Variants in PTPMT1 observed in about 807,000 individuals in gnomAD.
The protein encoded by PTPMT1 is phosphatidylglycerophosphatase and protein-tyrosine phosphatase 1.
Under a neutral mutation model 17.8 loss-of-function variants are expected in PTPMT1, and 12 were observed. The observed-to-expected ratio is 0.67, with a 90% CI of 0.43 to 1.09. The LOEUF (loss-of-function observed/expected upper bound fraction) is 1.09, where lower values mean the gene tolerates loss of function less well. Ranked by LOEUF, PTPMT1 falls within the 50% of genes least tolerant of loss-of-function variation. The pLI is 0.00. For missense variants in PTPMT1, 262 were observed against 266.0 expected (o/e 0.99, Z 0.10); for synonymous variants, 132 against 116.8 (o/e 1.13, Z -0.84).
At position 47,567,266 on chromosome 11, in the gene PTPMT1, C is replaced by T. The variant is rs371796278; in HGVS notation, c.255+1280C>T. ...AAATCACACAAAAAAATTAGCCGGG[C>T]GTGGTGGCAGGCGCCTGTAATCCTA... On this transcript the variant is annotated intron_variant, in intron 2 of 3. Transcript: ENST00000326674. Among the ~76,000 whole-genome samples, 252 of 151,872 alleles carry T rather than the reference C, an allele frequency of 1.7e-3. 1 individual carries two copies. Among genetic ancestry groups the T allele is most frequent in the Non-Finnish European group, 2.9e-3 (196 of 67,928 alleles).
At chr11:47,567,559 CTTTTTTT>C (rs370022255) in intron 2 of PTPMT1, among the ~76,000 whole-genome samples, 10 of 116,138 alleles carry the variant, frequency 8.6e-5, no homozygotes, top group South Asian at 3.2e-4. Flanking sequence ...TATTTCTTTT[CTTTTTTT>C]TTTTTTTTTT....
In PTPMT1 at chr11:47,573,054, A is replaced by C; in HGVS notation, c.*1425A>C. The C allele has an allele frequency of 6.2e-7, 1 of 1,614,196 alleles. No individual in the cohort carries two copies. The highest frequency in any genetic ancestry group is 8.5e-7 in the Non-Finnish European group (1 of 1,180,048). On this transcript the variant is annotated 3_prime_UTR_variant, in exon 4 of 4. Coordinates refer to ENST00000326674, the MANE Select transcript of PTPMT1 (RefSeq NM_175732.3). This position sits in a 1 kb window ranked among gnomAD's most constrained non-coding sequence, Gnocchi z 4.1. ...CCCCTTTTTATATCGGTCCCGGAAG[A>C]CATAGATGCTCCCGTTACAGCTGGC... is the stretch of plus-strand genomic sequence containing the variant.
At chr11:47,567,664 A>G (rs1026294669) in intron 2 of PTPMT1, among the ~76,000 whole-genome samples, 4 of 144,620 alleles carry the variant, frequency 2.8e-5, no homozygotes, top group Admixed American at 7.2e-5. Flanking sequence ...AGTTCAAGTG[A>G]TTCTCCTGCC....
chr11:47,565,723 A>G lies in PTPMT1; in HGVS notation c.101A>G (p.His34Arg). Residue 34 changes from histidine to arginine, a missense_variant, in exon 1 of 4, where the codon CAC (histidine) becomes CGC (arginine). His to Arg is a conservative substitution (Grantham distance 29). Transcript: ENST00000326674. The part of the protein sequence containing the change: ...LFRGKVPGRA[H>R]RDWYHRIDPT... ...CGCGGGAAGGTGCCGGGTCGGGCGCACCGGGACTGGTACCACCGCATCGAC... is the reference window on the plus strand; with the variant it reads ...CGCGGGAAGGTGCCGGGTCGGGCGCGCCGGGACTGGTACCACCGCATCGAC... 1 of 1,583,780 alleles carries G rather than the reference A, an allele frequency of 6.3e-7. No individual in the cohort carries two copies. Among genetic ancestry groups the G allele is most frequent in the African/African-American group, 1.4e-5 (1 of 73,370 alleles).
At position 47,573,320 on chromosome 11, in the gene PTPMT1, A is replaced by T; in HGVS notation, c.*1691A>T. ...GGGAAGGTTTGGTAAAGAAGTCCAG[A>T]TCATTCTCCTCCCCCCCTAGTAAGT... On this transcript the variant is annotated 3_prime_UTR_variant, in exon 4 of 4. Transcript: ENST00000326674. The surrounding 1 kb of genome is among the most constrained non-coding windows in gnomAD (Gnocchi z 4.1). 1 of 1,614,140 alleles carries T rather than the reference A, an allele frequency of 6.2e-7. No individual in the cohort carries two copies. The highest frequency in any genetic ancestry group is 8.5e-7 in the Non-Finnish European group (1 of 1,180,036).
chr11:47,565,808 C>T lies in PTPMT1; in HGVS notation c.174+12C>T. 1 of 1,583,250 alleles carries T rather than the reference C, an allele frequency of 6.3e-7. No homozygotes were observed. The highest frequency in any genetic ancestry group is 8.6e-7 in the Non-Finnish European group (1 of 1,166,012). The stretch of plus-strand genomic sequence containing the variant: ...GCTTGACGCGCCAGGTGAGCCGGGC[C>T]GGGGAGCCCGGGCCCCTGCCCCGTC... On this transcript the variant is annotated intron_variant, in intron 1 of 3. Transcript: ENST00000326674.
intron 2 of PTPMT1, among the ~76,000 whole-genome samples, chr11:47,568,398 G>A (rs1316002180): frequency 1.3e-5 from 2 of 152,060 alleles, no homozygotes; most frequent in Non-Finnish European, 2.9e-5. Context: ...TACACTGGCT[G>A]GGCCTGGTGG....
Position 47,565,943 on chromosome 11 carries a change from T to A in PTPMT1, c.212T>A (p.Met71Lys), listed in dbSNP as rs767517841. 6.2e-7 allele frequency: 1 copy of A among 1,608,786 alleles called. No homozygotes were observed. The highest frequency in any genetic ancestry group is 8.5e-7 in the Non-Finnish European group (1 of 1,178,046). The part of the protein sequence containing the change: ...QDENVRGVIT[M>K]NEEYETRFLC... ...GAGAACGTGCGCGGGGTGATCACCA[T>A]GAACGAGGAGTACGAGACGAGGTTC... The change falls in exon 2 of 4, where the codon ATG (methionine) becomes AAG (lysine). Residue 71 changes from methionine (M) to lysine (K), a missense_variant. Coordinates refer to ENST00000326674, the MANE Select transcript of PTPMT1 (RefSeq NM_175732.3).
Position 47,573,236 on chromosome 11 carries a change from C to A in PTPMT1, c.*1607C>A. On this transcript the variant is annotated 3_prime_UTR_variant, in exon 4 of 4. Coordinates refer to ENST00000326674, the MANE Select transcript of PTPMT1 (RefSeq NM_175732.3). This position sits in a 1 kb window ranked among gnomAD's most constrained non-coding sequence, Gnocchi z 4.1. Reference sequence around the variant, plus strand: ...CTGCGTGCATGCGGCCTGCAAAGGGCAGCACATAGGGCTTCACATGGCATT... The same window carrying A: ...CTGCGTGCATGCGGCCTGCAAAGGGAAGCACATAGGGCTTCACATGGCATT... 6.2e-7 allele frequency: 1 copy of A among 1,614,138 alleles called. No homozygotes were observed. Among genetic ancestry groups the A allele is most frequent in the Non-Finnish European group, 8.5e-7 (1 of 1,180,040 alleles).
chr11:47,572,714 G>A lies in PTPMT1; in HGVS notation c.*1085G>A. 2 of 583,796 alleles carry A rather than the reference G, an allele frequency of 3.4e-6. No individual in the cohort carries two copies. Among genetic ancestry groups the A allele is most frequent in the Non-Finnish European group, 6.0e-6 (2 of 330,828 alleles). The allele number at this position is 583,796 out of a possible 1,614,324, so 36.2% of individuals were successfully genotyped here. ...CACAGGATGACTAGGGAATGGCAGAGAACAGGCTGGCCTACTGTCAGTTCA... is the reference window on the plus strand; with the variant it reads ...CACAGGATGACTAGGGAATGGCAGAAAACAGGCTGGCCTACTGTCAGTTCA... On this transcript the variant is annotated 3_prime_UTR_variant, in exon 4 of 4. Transcript: ENST00000326674.
chr11:47,571,840 A>T lies in PTPMT1; in HGVS notation c.*211A>T, dbSNP rs2097249933. On this transcript the variant is annotated 3_prime_UTR_variant, in exon 4 of 4. Coordinates refer to ENST00000326674, the MANE Select transcript of PTPMT1 (RefSeq NM_175732.3). Reference sequence around the variant, plus strand: ...AAAAGATTTAGTGTGGCTTGTATTCATGGGATACAGGACAGGGATGGGGCT... The same window carrying T: ...AAAAGATTTAGTGTGGCTTGTATTCTTGGGATACAGGACAGGGATGGGGCT... The T allele has an allele frequency of 5.5e-6, 3 of 546,506 alleles. No individual in the cohort carries two copies. Among genetic ancestry groups the T allele is most frequent in the Non-Finnish European group, 9.7e-6 (3 of 308,244 alleles). The allele number at this position is 546,506 out of a possible 1,614,324, so 33.9% of individuals were successfully genotyped here.
chr11:47,570,558 G>A (rs2097249053), intron 3 of PTPMT1, among the ~76,000 whole-genome samples: 1 of 152,190 alleles, frequency 6.6e-6, no homozygotes, highest in African/African-American at 2.4e-5. Flanking sequence ...CTAATACCAT[G>A]TCAGGAAACA....
At position 47,569,873 on chromosome 11, in the gene PTPMT1, G is replaced by A; in HGVS notation, c.429G>A (p.Val143=). Residue 143 remains valine, a synonymous_variant, in exon 3 of 4, where the codon GTG becomes GTA. Coordinates refer to ENST00000326674, the MANE Select transcript of PTPMT1 (RefSeq NM_175732.3). ...GGCGCTCCAGGAGTGCCACTATGGT[G>A]GCAGCATACCTGATTCAGGTACCAA... The part of the protein sequence containing the change: ...KAGRSRSATM[V]AAYLIQVHKW... 1 of 1,613,042 alleles carries A rather than the reference G, an allele frequency of 6.2e-7. No homozygotes were observed. The highest frequency in any genetic ancestry group is 1.1e-5 in the South Asian group (1 of 91,010).
chr11:47,569,955 G>C, intron 3 of PTPMT1, 64 bp downstream of exon 3: 1 of 1,335,782 alleles, frequency 7.5e-7, no homozygotes, highest in Non-Finnish European at 1.0e-6. Flanking sequence ...ACTTTGGGAG[G>C]CTTGAGATGG....
At position 47,572,895 on chromosome 11, in the gene PTPMT1, A is replaced by T. The variant is rs1302788086; in HGVS notation, c.*1266A>T. 1.3e-6 allele frequency: 2 copies of T among 1,583,010 alleles called. No individual in the cohort carries two copies. The highest frequency in any genetic ancestry group is 3.5e-5 in the Admixed American group (2 of 56,852). ...ACTTTGAGTTTGTATGGGGAGGGAA[A>T]AGGAGTGAGCAGTTCTCCTCCCCTC... On this transcript the variant is annotated 3_prime_UTR_variant, in exon 4 of 4. Coordinates refer to ENST00000326674, the MANE Select transcript of PTPMT1 (RefSeq NM_175732.3).
rs771748741 is a variant in PTPMT1, at chr11:47,569,756, G to A, written c.312G>A (p.Gly104=). 1.9e-6 allele frequency: 3 copies of A among 1,614,034 alleles called. No individual in the cohort carries two copies. The highest frequency in any genetic ancestry group is 3.3e-5 in the Admixed American group (2 of 59,992). ...QLRLSTVDMT[G]IPTLDNLQKG... is the part of the protein sequence containing the mutation. ...GGCTCAGCACAGTAGACATGACTGG[G>A]ATCCCCACCTTGGACAACCTCCAGA... Residue 104 remains glycine, a synonymous_variant, in exon 3 of 4, where the codon GGG becomes GGA. Coordinates refer to ENST00000326674, the MANE Select transcript of PTPMT1 (RefSeq NM_175732.3).
At position 47,570,186 on chromosome 11, in the gene PTPMT1, CAAAAAAAA is replaced by C. The variant is rs548462674; in HGVS notation, c.447+311_447+318del. 4.8e-4 allele frequency among the ~76,000 whole-genome samples: 41 copies of C among 85,562 alleles called. 1 individual carries two copies. The South Asian group carries it at 0.016, about 33-fold the overall frequency. 56.1% of individuals were successfully genotyped at this position (85,562 alleles called of 152,430 possible). ...CATAGCCAACAGAGTGAAACTGTCTCAAAAAAAAAAAAAAAAAAAAAAAGTCTTTCTGG... is the reference window on the plus strand; with the variant it reads ...CATAGCCAACAGAGTGAAACTGTCTCAAAAAAAAAAAAAAAGTCTTTCTGG... On this transcript the variant is annotated intron_variant, in intron 3 of 3. Transcript: ENST00000326674.
chr11:47,566,106 A>G, intron 2 of PTPMT1, 120 bp downstream of exon 2: 1 of 1,147,058 alleles, frequency 8.7e-7, no homozygotes, highest in Non-Finnish European at 1.2e-6. Flanking sequence ...AGGTGTCTCA[A>G]GCTGCTTTGC....
In PTPMT1 at chr11:47,565,806, G is replaced by T. The variant is rs774485961; in HGVS notation, c.174+10G>T. 3.8e-6 allele frequency: 6 copies of T among 1,585,938 alleles called. No individual in the cohort carries two copies. In the South Asian group the frequency reaches 6.8e-5, roughly 18 times the overall value. ...GAGCTTGACGCGCCAGGTGAGCCGG[G>T]CCGGGGAGCCCGGGCCCCTGCCCCG... On this transcript the variant is annotated intron_variant, in intron 1 of 3. Transcript: ENST00000326674.
Sources: gnomAD v4.1 joint callset for allele counts (sites outside exome capture counted in the v4.1 genomes callset) on GRCh38, gnomAD v4.1.1 for gene constraint, Gnocchi (gnomAD v3.1) non-coding constraint, MANE v1.5 for transcripts, NCBI Gene and HGNC (gene_info 2026-07-23, HGNC 2026-07-21) for gene names.